SMG5: variants seen among roughly 807,000 people sequenced by gnomAD.
SMG5 encodes the protein nonsense-mediated mRNA decay factor SMG5.
In SMG5, 53 loss-of-function variants were observed where a neutral mutation model predicts 122.9. That is an observed-to-expected ratio of 0.43 (90% CI 0.35 to 0.54). SMG5 has a LOEUF of 0.54. SMG5 is among the 20% of genes least tolerant of loss of function. The pLI is 0.01. For synonymous variants in SMG5, 477 were observed against 490.2 expected (o/e 0.97, Z 0.35); for missense variants, 1,153 against 1,285.6 (o/e 0.90, Z 1.58).
chr1:156,280,153 CAG>C (rs1214729221), intron 1 of SMG5, among the ~76,000 whole-genome samples: 1 of 152,210 alleles, frequency 6.6e-6, no homozygotes, highest in Non-Finnish European at 1.5e-5. Flanking sequence ...GAAAAAGCCA[CAG>C]AAACTCTACA....
intron 2 of SMG5, among the ~76,000 whole-genome samples, chr1:156,278,593 C>A (rs1194087516): frequency 6.6e-6 from 1 of 152,122 alleles, no homozygotes; most frequent in Non-Finnish European, 1.5e-5. Flanking sequence ...TCTCAAACTC[C>A]TGGGCTCAAG....
In SMG5 at chr1:156,249,424, C is replaced by G; in HGVS notation, c.*1163G>C. 1 of 312,034 alleles carries G rather than the reference C, an allele frequency of 3.2e-6. No homozygotes were observed. Among genetic ancestry groups the G allele is most frequent in the South Asian group, 2.7e-5 (1 of 36,432 alleles). 19.3% of individuals were successfully genotyped at this position (312,034 alleles called of 1,614,324 possible). Reference sequence around the variant, plus strand: ...GGGCAGCAGAGCTGAGACCCTCCACCCCGAGCCCCTAGCCTGTGCTATCCT... The same window carrying G: ...GGGCAGCAGAGCTGAGACCCTCCACGCCGAGCCCCTAGCCTGTGCTATCCT... On this transcript the variant is annotated 3_prime_UTR_variant, in exon 22 of 22. Transcript: ENST00000361813.
At chr1:156,285,955 G>T, upstream of SMG5, 1 of 1,610,134 alleles carries the variant, frequency 6.2e-7, no homozygotes, top group South Asian at 1.1e-5. Context: ...TGCGCTGCGG[G>T]GTCTTTGCCA....
intron 9 of SMG5, 67 bp downstream of exon 9, chr1:156,268,048 T>A: frequency 6.6e-7 from 1 of 1,522,154 alleles, no homozygotes. Flanking sequence ...CTTGTCAAGG[T>A]TCCTTCTGTA....
intron 19 of SMG5, 27 bp from the exon 20 acceptor site, chr1:156,251,504 TCAG>T: frequency 6.2e-7 from 1 of 1,612,610 alleles, no homozygotes; most frequent in South Asian, 1.1e-5. Context: ...CGAGTGGAGG[TCAG>T]GAGCAGGAGA....
rs898277178 is a variant in SMG5 at position 156,268,143 on chromosome 1, G to A, written c.880C>T (p.Leu294=). ...CTTTTGGGCTGTAGGAGGCTTTGCA[G>A]ATACATAAAGTTCACTAGCAACCTT... ...IKRLLVNFMY[L]QSLLQPKSSS... The change falls in exon 9 of 22, where the codon CTG becomes TTG. Residue 294 remains leucine (L), a synonymous_variant. Transcript: ENST00000361813. 1.2e-6 allele frequency: 2 copies of A among 1,614,176 alleles called. No individual in the cohort carries two copies. The highest frequency in any genetic ancestry group is 1.7e-6 in the Non-Finnish European group (2 of 1,180,008).
chr1:156,277,067 C>T lies in SMG5; in HGVS notation c.454+18G>A, dbSNP rs1330884961. ...AGCATGAGAACCTGCTCAAGTCCAC[C>T]TTTCAGGTTCCACTGACCTATGAGG... On this transcript the variant is annotated intron_variant, in intron 4 of 21. Transcript: ENST00000361813. 1 of 1,609,012 alleles carries T rather than the reference C, an allele frequency of 6.2e-7. No individual in the cohort carries two copies. The highest frequency in any genetic ancestry group is 2.2e-5 in the East Asian group (1 of 44,760).
intron 5 of SMG5, among the ~76,000 whole-genome samples, chr1:156,273,714 TTTTC>T (rs1184984858): frequency 1.5e-5 from 2 of 137,228 alleles, no homozygotes; most frequent in African/African-American, 2.6e-5. Flanking sequence ...TTTTGTTTTG[TTTTC>T]TTTTTTTTTT....
In SMG5 at chr1:156,258,998, G is replaced by C; in HGVS notation, c.2442+7C>G. 6.2e-7 allele frequency: 1 copy of C among 1,613,590 alleles called. No homozygotes were observed. Among genetic ancestry groups the C allele is most frequent in the Non-Finnish European group, 8.5e-7 (1 of 1,179,812 alleles). ...AGAGCTGACGGGGAGGGGAAGGCCTGACTCACCATTCGGAACTGTGCCTGG... is the reference window on the plus strand; with the variant it reads ...AGAGCTGACGGGGAGGGGAAGGCCTCACTCACCATTCGGAACTGTGCCTGG... On this transcript the variant is annotated splice_region_variant and intron_variant, in intron 16 of 21. Coordinates refer to ENST00000361813, the MANE Select transcript of SMG5 (RefSeq NM_015327.3).
rs370909128 is a variant in SMG5 at position 156,253,538 on chromosome 1, T to C, written c.2443-30A>G. The stretch of plus-strand genomic sequence containing the variant: ...GAGGGAAAAAATGAGCTGTAAGGAG[T>C]TGGGGTGTATTTTCCCTTCTCCAGT... On this transcript the variant is annotated intron_variant, in intron 16 of 21. Coordinates refer to ENST00000361813, the MANE Select transcript of SMG5 (RefSeq NM_015327.3). 1.1e-5 allele frequency: 17 copies of C among 1,608,674 alleles called. No individual in the cohort carries two copies. The South Asian group carries it at 1.3e-4, about 12-fold the overall frequency.
intron 16 of SMG5, chr1:156,253,753 C>T: frequency 1.8e-6 from 1 of 546,812 alleles, no homozygotes; most frequent in Non-Finnish European, 3.3e-6. Flanking sequence ...GGAGGGGAAG[C>T]AGACAGCCAT....
intron 14 of SMG5, 59 bp downstream of exon 14, chr1:156,261,274 G>A: frequency 6.5e-7 from 1 of 1,530,510 alleles, no homozygotes. Context: ...AGGGGAGATG[G>A]GCTTAGTGGG....
At chr1:156,280,250 T>C (rs1274110256) in intron 1 of SMG5, among the ~76,000 whole-genome samples, 1 of 152,132 alleles carries the variant, frequency 6.6e-6, no homozygotes, top group Middle Eastern at 3.2e-3. Flanking sequence ...TATAAGAACA[T>C]GTGAATCAGG....
chr1:156,282,961 C>T, upstream of SMG5: 2 of 532,816 alleles, frequency 3.8e-6, no homozygotes, highest in South Asian at 5.4e-5. Context: ...AGCATGGCGT[C>T]TTTCCGGCTT....
the SMG5 span, chr1:156,291,486 A>C: frequency 6.2e-7 from 1 of 1,612,776 alleles, no homozygotes; most frequent in Non-Finnish European, 8.5e-7. Flanking sequence ...TGGAACCTCT[A>C]CTACATGTTC....
upstream of SMG5, chr1:156,285,734 A>G (rs1312045196): frequency 6.2e-7 from 1 of 1,612,980 alleles, no homozygotes; most frequent in East Asian, 2.2e-5. Flanking sequence ...CCCCGACCCC[A>G]CTGAGCGCAA....
At chr1:156,280,737 T>C (rs538935014) in intron 1 of SMG5, among the ~76,000 whole-genome samples, 1 of 152,302 alleles carries the variant, frequency 6.6e-6, no homozygotes, top group South Asian at 2.1e-4. Context: ...AACGCTTAAA[T>C]ATGAGAGGGC....
intron 16 of SMG5, among the ~76,000 whole-genome samples, chr1:156,254,659 G>A (rs1005283367): frequency 6.6e-5 from 10 of 152,134 alleles, no homozygotes; most frequent in Non-Finnish European, 1.3e-4. Context: ...GCCCAGGCTG[G>A]TCTCAAACTC....
intron 5 of SMG5, among the ~76,000 whole-genome samples, chr1:156,273,811 T>TC (rs1662558123): frequency 1.4e-5 from 2 of 143,476 alleles, no homozygotes; most frequent in African/African-American, 5.1e-5. Flanking sequence ...TGCCTCAGCC[T>TC]CCCAAGTAGC....
Sources: gnomAD v4.1 joint callset for allele counts (sites outside exome capture counted in the v4.1 genomes callset) on GRCh38, gnomAD v4.1.1 for gene constraint, MANE v1.5 for transcripts, NCBI Gene and HGNC (gene_info 2026-07-23, HGNC 2026-07-21) for gene names.